The following AUTS2 variants were observed in gnomAD, a reference collection of about 807,000 sequenced individuals.
The protein encoded by AUTS2 is autism susceptibility gene 2 protein.
Under a neutral mutation model 112.4 loss-of-function variants are expected in AUTS2, and 17 were observed. The ratio of observed to expected loss-of-function variants is 0.15; its 90% CI spans 0.10 to 0.23. The LOEUF (loss-of-function observed/expected upper bound fraction) is 0.23, where lower values mean the gene tolerates loss of function less well. AUTS2 is among the 10% of genes least tolerant of loss of function. The probability of loss-of-function intolerance (pLI) is 1.00; values close to 1 mark genes in which losing one functional copy is unlikely to be tolerated. For synonymous variants in AUTS2, 751 were observed against 702.7 expected (o/e 1.07, Z -1.09); for missense variants, 1,510 against 1,701.6 (o/e 0.89, Z 1.98).
intron 5 of AUTS2, among the ~76,000 whole-genome samples, chr7:70,590,027 A>C (rs1383341289): frequency 6.6e-6 from 1 of 152,152 alleles, no homozygotes; most frequent in Admixed American, 6.5e-5. Context: ...ACAATGACTT[A>C]GGTATTCCAG....
intron 4 of AUTS2, among the ~76,000 whole-genome samples, chr7:70,388,418 T>A (rs928330478): frequency 6.6e-6 from 1 of 152,212 alleles, no homozygotes; most frequent in Admixed American, 6.5e-5. Flanking sequence ...ATGAATTTTT[T>A]AACTTCTATA....
At chr7:70,719,481 C>T (rs1810553212) in intron 6 of AUTS2, among the ~76,000 whole-genome samples, 3 of 150,442 alleles carry the variant, frequency 2.0e-5, no homozygotes, top group Non-Finnish European at 3.0e-5. Context: ...CACCCACCCC[C>T]GAAATGGAGT....
chr7:70,657,337 A>G (rs1806825324), intron 5 of AUTS2, among the ~76,000 whole-genome samples: 1 of 152,198 alleles, frequency 6.6e-6, no homozygotes, highest in African/African-American at 2.4e-5. Flanking sequence ...CAGGGGAGCT[A>G]CTTCTTAGCA....
intron 6 of AUTS2, among the ~76,000 whole-genome samples, chr7:70,742,420 G>T (rs184400574): frequency 1.1e-4 from 16 of 152,330 alleles, no homozygotes; most frequent in Middle Eastern, 3.4e-3. Context: ...TCACTTAGGA[G>T]CAGCATAGAG....
intron 13 of AUTS2, among the ~76,000 whole-genome samples, chr7:70,775,690 A>G (rs1790641381): frequency 6.6e-6 from 1 of 152,172 alleles, no homozygotes; most frequent in African/African-American, 2.4e-5. Flanking sequence ...GACTGAAGCT[A>G]TAGGCTGAAG....
intron 4 of AUTS2, among the ~76,000 whole-genome samples, chr7:70,282,410 G>A (rs995183270): frequency 1.3e-5 from 2 of 152,134 alleles, no homozygotes; most frequent in Non-Finnish European, 2.9e-5. Flanking sequence ...TGTGGAGGCT[G>A]GGAATTACAA....
At chr7:70,622,402 C>G (rs1804729750) in intron 5 of AUTS2, among the ~76,000 whole-genome samples, 1 of 152,150 alleles carries the variant, frequency 6.6e-6, no homozygotes, top group Admixed American at 6.5e-5. Flanking sequence ...GCAGCACATT[C>G]TTGCTGAGCA....
intron 5 of AUTS2, among the ~76,000 whole-genome samples, chr7:70,495,188 T>G (rs573986606): frequency 5.2e-4 from 79 of 150,676 alleles, no homozygotes; most frequent in African/African-American, 1.9e-3. Context: ...AGGGAACAGT[T>G]CTGTTCAGTG....
chr7:70,741,109 T>TA (rs201234065), intron 6 of AUTS2, among the ~76,000 whole-genome samples: 13,574 of 141,722 alleles, frequency 0.096, 1,012 homozygotes, highest in East Asian at 0.37. Context: ...TTAAAAAAAA[T>TA]AAAAAAAAAA....
chr7:69,813,567 G>A (rs922411257), intron 1 of AUTS2, among the ~76,000 whole-genome samples: 5 of 152,166 alleles, frequency 3.3e-5, no homozygotes, highest in African/African-American at 4.8e-5. Context: ...TCTCAGAATC[G>A]TTGTGAAGAG....
chr7:69,780,787 T>C (rs1789112257), intron 1 of AUTS2, among the ~76,000 whole-genome samples: 1 of 152,192 alleles, frequency 6.6e-6, no homozygotes, highest in African/African-American at 2.4e-5. Flanking sequence ...CTGTTATGAT[T>C]TCCACTCTTA....
At chr7:70,568,851 TTTTTCACCCTCTGACA>T (rs1250272492) in intron 5 of AUTS2, among the ~76,000 whole-genome samples, 2 of 152,272 alleles carry the variant, frequency 1.3e-5, no homozygotes, top group Non-Finnish European at 2.9e-5. Context: ...AAGCACATTC[TTTTTCACCCTCTGACA>T]TGACCTCAGG....
At chr7:69,783,051 G>A (rs1789210693) in intron 1 of AUTS2, among the ~76,000 whole-genome samples, 1 of 150,596 alleles carries the variant, frequency 6.6e-6, no homozygotes, top group African/African-American at 2.4e-5. Flanking sequence ...TGTGTGCAAG[G>A]TAATCCCTTT....
At chr7:70,591,921 C>T (rs563030402) in intron 5 of AUTS2, among the ~76,000 whole-genome samples, 113 of 152,320 alleles carry the variant, frequency 7.4e-4, no homozygotes, top group African/African-American at 2.6e-3. Flanking sequence ...AACCTCTAGG[C>T]TTCCCAGGAG....
At chr7:69,730,019 T>TAA (rs1554356395) in intron 1 of AUTS2, among the ~76,000 whole-genome samples, 1 of 132,042 alleles carries the variant, frequency 7.6e-6, no homozygotes, top group South Asian at 2.3e-4. Context: ...TTTTTTTTTT[T>TAA]AGAAACTAGG....
intron 4 of AUTS2, among the ~76,000 whole-genome samples, chr7:70,255,357 C>T (rs1415967851): frequency 2.0e-5 from 3 of 152,168 alleles, no homozygotes; most frequent in Non-Finnish European, 4.4e-5. Flanking sequence ...TAGGCGTGAG[C>T]CACCACGCCC....
intron 4 of AUTS2, among the ~76,000 whole-genome samples, chr7:70,160,639 ATTG>A (rs1431819769): frequency 2.0e-5 from 3 of 152,140 alleles, no homozygotes; most frequent in Non-Finnish European, 2.9e-5. Flanking sequence ...GCATCTTGTT[ATTG>A]TTGTCTTTTC....
chr7:70,231,211 ATGTTGT>A (rs1201054053), intron 4 of AUTS2, among the ~76,000 whole-genome samples: 1 of 152,136 alleles, frequency 6.6e-6, no homozygotes, highest in African/African-American at 2.4e-5. Context: ...TGTCTTGGGT[ATGTTGT>A]TGTTGTTTAG....
intron 1 of AUTS2, among the ~76,000 whole-genome samples, chr7:69,773,208 A>G (rs1788741126): frequency 6.6e-6 from 1 of 152,152 alleles, no homozygotes; most frequent in Non-Finnish European, 1.5e-5. Context: ...AATCATACCC[A>G]CGTGAAAGTT....
Sources: gnomAD v4.1 joint callset for allele counts (sites outside exome capture counted in the v4.1 genomes callset) on GRCh38, gnomAD v4.1.1 for gene constraint, MANE v1.5 for transcripts, NCBI Gene and HGNC (gene_info 2026-07-23, HGNC 2026-07-21) for gene names.